The following MICU1 variants were observed in gnomAD, a reference collection of about 807,000 sequenced individuals.
MICU1 encodes mitochondrial calcium uptake 1.
In MICU1, 45 loss-of-function variants were observed where a neutral mutation model predicts 56.8. The observed-to-expected ratio is 0.79, with a 90% CI of 0.62 to 1.02. The LOEUF (loss-of-function observed/expected upper bound fraction) is 1.02, where lower values mean the gene tolerates loss of function less well. Ranked by LOEUF, MICU1 falls within the 50% of genes least tolerant of loss-of-function variation. MICU1 has a pLI of 0.00. For synonymous variants in MICU1, 186 were observed against 195.1 expected (o/e 0.95, Z 0.39); for missense variants, 504 against 587.1 (o/e 0.86, Z 1.46).
At chr10:72,611,853 G>A (rs942532444) in intron 1 of MICU1, among the ~76,000 whole-genome samples, 3 of 151,904 alleles carry the variant, frequency 2.0e-5, no homozygotes, top group Admixed American at 1.3e-4. Context: ...TGGGCACTGT[G>A]GTGTGTCCCT....
At chr10:72,563,225 TCTGGTTATATATC>T (rs1840344325) in intron 2 of MICU1, among the ~76,000 whole-genome samples, 162 bp from the exon 3 acceptor site, 1 of 152,246 alleles carries the variant, frequency 6.6e-6, no homozygotes, top group Admixed American at 6.5e-5. Flanking sequence ...CCACATGATC[TCTGGTTATATATC>T]CCAAAGAAAT....
intron 1 of MICU1, among the ~76,000 whole-genome samples, chr10:72,574,088 T>A (rs979588445): frequency 2.0e-5 from 3 of 152,144 alleles, no homozygotes; most frequent in Non-Finnish European, 4.4e-5. Flanking sequence ...TTCCAATCCT[T>A]GCACTGGCCT....
intron 4 of MICU1, 39 bp from the exon 5 acceptor site, chr10:72,533,828 TAACTC>T: frequency 7.4e-7 from 1 of 1,359,932 alleles, no homozygotes. Context: ...CTACTGATAA[TAACTC>T]AAGTGAAATT....
chr10:72,584,027 T>C (rs998048374), intron 1 of MICU1, among the ~76,000 whole-genome samples: 1 of 152,222 alleles, frequency 6.6e-6, no homozygotes, highest in African/African-American at 2.4e-5. Context: ...CTCTACAGTA[T>C]AAAATGATAA....
chr10:72,431,094 GTCTA>G (rs143659735), intron 8 of MICU1, among the ~76,000 whole-genome samples: 6,624 of 141,396 alleles, frequency 0.047, 189 homozygotes, highest in East Asian at 0.06. Flanking sequence ...TTATCTGTCT[GTCTA>G]TCTATCTATC....
At chr10:72,476,044 T>A (rs992596393) in intron 7 of MICU1, among the ~76,000 whole-genome samples, 1 of 151,782 alleles carries the variant, frequency 6.6e-6, no homozygotes. Flanking sequence ...CTGGCCAAGA[T>A]GGTGAAACCC....
chr10:72,412,374 A>T (rs1250901666), intron 9 of MICU1, among the ~76,000 whole-genome samples: 1 of 152,242 alleles, frequency 6.6e-6, no homozygotes, highest in Admixed American at 6.5e-5. Context: ...CTAATTGTTC[A>T]ACAAACTGGT....
chr10:72,498,668 A>G (rs1866930761), intron 6 of MICU1, among the ~76,000 whole-genome samples: 1 of 152,216 alleles, frequency 6.6e-6, no homozygotes, highest in African/African-American at 2.4e-5. Flanking sequence ...TGAGAGCCTA[A>G]GGAGCAGAGA....
intron 5 of MICU1, among the ~76,000 whole-genome samples, chr10:72,532,084 G>A (rs534751236): frequency 1.1e-4 from 17 of 151,954 alleles, no homozygotes; most frequent in Admixed American, 4.6e-4. Context: ...TTGGGAGGCC[G>A]AGGCAGGCAG....
intron 8 of MICU1, among the ~76,000 whole-genome samples, chr10:72,443,570 G>T (rs1193045998): frequency 1.3e-5 from 2 of 152,166 alleles, no homozygotes; most frequent in African/African-American, 4.8e-5. Flanking sequence ...AAGGGATCCA[G>T]TTTCAGCCTT....
At chr10:72,509,007 TTC>T in intron 5 of MICU1, among the ~76,000 whole-genome samples, 1 of 152,310 alleles carries the variant, frequency 6.6e-6, no homozygotes, top group African/African-American at 2.4e-5. Context: ...AGAAAGTTAG[TTC>T]TCAGCTTTGG....
At chr10:72,494,901 T>C (rs930755971) in intron 6 of MICU1, among the ~76,000 whole-genome samples, 1 of 149,434 alleles carries the variant, frequency 6.7e-6, no homozygotes, top group Non-Finnish European at 1.5e-5. Context: ...AGAAAAGAAA[T>C]AGCTGATGTT....
chr10:72,600,552 G>C (rs924535876), intron 1 of MICU1, among the ~76,000 whole-genome samples: 2 of 151,012 alleles, frequency 1.3e-5, no homozygotes, highest in African/African-American at 4.9e-5. Context: ...AGGAGGCTGA[G>C]GCAGGAGAAT....
At chr10:72,600,709 G>C (rs1264890759) in intron 1 of MICU1, among the ~76,000 whole-genome samples, 1 of 151,258 alleles carries the variant, frequency 6.6e-6, no homozygotes, top group Admixed American at 6.6e-5. Flanking sequence ...ACCTTAAACT[G>C]CAAACGTTAT....
chr10:72,508,243 A>T lies in MICU1; in HGVS notation c.564T>A (p.Phe188Leu), dbSNP rs1282443107. The change falls in exon 6 of 12, where the codon TTT (phenylalanine) becomes TTA (leucine). Residue 188 changes from phenylalanine to leucine, a missense_variant. Phe to Leu is a conservative substitution (Grantham distance 22, BLOSUM62 0). Transcript: ENST00000361114. ...TGTAAAATATACTGCCTTCATCAGCAAATTTTTCTCGTTCCTGGGAAATTT... is the reference window on the plus strand; with the variant it reads ...TGTAAAATATACTGCCTTCATCAGCTAATTTTTCTCGTTCCTGGGAAATTT... Reference protein sequence around the residue: ...GKKISQEREKFADEGSIFYTL... With the variant: ...GKKISQEREKLADEGSIFYTL... 1 of 1,522,596 alleles carries T rather than the reference A, an allele frequency of 6.6e-7. No homozygotes were observed. The highest frequency in any genetic ancestry group is 8.9e-7 in the Non-Finnish European group (1 of 1,119,528). The allele number at this position is 1,522,596 out of a possible 1,614,324, so 94.3% of individuals were successfully genotyped here.
chr10:72,618,500 G>A (rs1008607108), intron 1 of MICU1, among the ~76,000 whole-genome samples: 10 of 151,896 alleles, frequency 6.6e-5, no homozygotes, highest in African/African-American at 1.2e-4. Flanking sequence ...AATCAAATTC[G>A]AAGATTGCTT....
intron 5 of MICU1, among the ~76,000 whole-genome samples, chr10:72,513,992 AAGTATAAGTCTCTTC>A (rs779195638): frequency 2.8e-4 from 42 of 152,204 alleles, no homozygotes; most frequent in Admixed American, 5.9e-4. Context: ...AAACATTTTA[AAGTATAAGTCTCTTC>A]AGCTCTGTGC....
chr10:72,455,397 A>G (rs1178172076), intron 8 of MICU1, among the ~76,000 whole-genome samples: 2 of 151,602 alleles, frequency 1.3e-5, no homozygotes, highest in African/African-American at 4.8e-5. Context: ...CATCAGACCA[A>G]AGAAATAAAA....
chr10:72,459,657 C>G (rs573183448), intron 8 of MICU1, among the ~76,000 whole-genome samples: 19 of 152,304 alleles, frequency 1.2e-4, no homozygotes, highest in Middle Eastern at 3.4e-3. Flanking sequence ...AAATTATACA[C>G]TGTCCTTGAG....
Sources: allele counts gnomAD v4.1 joint callset (sites outside exome capture counted in the v4.1 genomes callset), GRCh38; gene constraint gnomAD v4.1.1; transcripts MANE v1.5; gene names NCBI Gene and HGNC (gene_info 2026-07-23, HGNC 2026-07-21).